The following NAV2 variants were observed in gnomAD, a reference collection of about 807,000 sequenced individuals.
The protein encoded by NAV2 is neuron navigator 2.
A neutral mutation model predicts 223.2 loss-of-function variants in NAV2; 54 were observed. That is an observed-to-expected ratio of 0.24 (90% CI 0.19 to 0.30). The LOEUF is 0.30. Ranked by LOEUF, NAV2 falls within the 10% of genes least tolerant of loss-of-function variation. The pLI, the probability that NAV2 is intolerant of heterozygous loss-of-function variation, is 1.00. For missense variants in NAV2, 2,806 were observed against 3,147.5 expected, an observed-to-expected ratio of 0.89 and a Z score of 2.60; for synonymous variants, 1,279 against 1,239.3, an observed-to-expected ratio of 1.03 and a Z score of -0.67.
At chr11:19,563,321 G>A (rs1005964917) in intron 1 of NAV2, among the ~76,000 whole-genome samples, 2 of 152,170 alleles carry the variant, frequency 1.3e-5, no homozygotes, top group Non-Finnish European at 2.9e-5. Flanking sequence ...CAGTAATACA[G>A]AGTTGGGTGC....
intron 1 of NAV2, among the ~76,000 whole-genome samples, chr11:19,698,192 G>A (rs1278269058): frequency 1.3e-5 from 2 of 152,104 alleles, no homozygotes; most frequent in African/African-American, 4.8e-5. Flanking sequence ...CATTTACCAC[G>A]TGACTCTGAG....
At chr11:19,903,379 C>CATG (rs1428491368) in intron 6 of NAV2, among the ~76,000 whole-genome samples, 4 of 152,152 alleles carry the variant, frequency 2.6e-5, no homozygotes, top group Non-Finnish European at 5.9e-5. Context: ...GAGCTCCTGC[C>CATG]ATGATTCCTT....
intron 6 of NAV2, among the ~76,000 whole-genome samples, chr11:19,915,847 C>T (rs756606928): frequency 1.3e-5 from 2 of 152,136 alleles, no homozygotes; most frequent in Non-Finnish European, 2.9e-5. Context: ...CATACAGAGA[C>T]GTTAAAGTAT....
At chr11:19,458,986 G>A (rs1400939387) in intron 1 of NAV2, among the ~76,000 whole-genome samples, 1 of 152,270 alleles carries the variant, frequency 6.6e-6, no homozygotes, top group Non-Finnish European at 1.5e-5. Context: ...AGCACAGGTG[G>A]TGATGTGGTG....
chr11:19,465,803 A>G (rs866876491), intron 1 of NAV2, among the ~76,000 whole-genome samples: 2 of 152,264 alleles, frequency 1.3e-5, no homozygotes, highest in African/African-American at 2.4e-5. Context: ...TTAGCTAACC[A>G]GTAGCGGAGG....
In NAV2 at chr11:20,044,989, T is replaced by C; in HGVS notation, c.3221T>C (p.Val1074Ala). 2 of 1,611,588 alleles carry C rather than the reference T, an allele frequency of 1.2e-6. No individual in the cohort carries two copies. The highest frequency in any genetic ancestry group is 1.7e-6 in the Non-Finnish European group (2 of 1,179,270). Residue 1074 changes from valine (V) to alanine (A), a missense_variant, in exon 14 of 38, where the codon GTG (valine) becomes GCG (alanine). Physicochemically the swap from Val to Ala is moderately conservative, Grantham distance 64 (BLOSUM62 0). Transcript: ENST00000349880. ...PGTGKTDDAK[V>A]SEKGRLSPKA... ...TTAGGAAAAACAGACGACGCAAAGG[T>C]GTCTGAGAAAGGAAGGCTTTCTCCT... is the stretch of plus-strand genomic sequence containing the variant.
intron 1 of NAV2, among the ~76,000 whole-genome samples, chr11:19,581,267 G>A (rs1284519102): frequency 1.3e-5 from 2 of 152,024 alleles, no homozygotes; most frequent in Admixed American, 6.6e-5. Context: ...GGTTTTAATG[G>A]CGTTGACTTA....
chr11:19,734,323 A>C (rs539821677), intron 1 of NAV2, among the ~76,000 whole-genome samples: 2 of 152,330 alleles, frequency 1.3e-5, no homozygotes, highest in South Asian at 2.1e-4. Context: ...ATGATGACCC[A>C]TTGCCAGACA....
intron 1 of NAV2, among the ~76,000 whole-genome samples, chr11:19,398,635 A>C (rs1230540737): frequency 6.6e-6 from 1 of 152,112 alleles, no homozygotes; most frequent in African/African-American, 2.4e-5. Flanking sequence ...CCCTGCCTTC[A>C]TTCTCCAACC....
intron 1 of NAV2, among the ~76,000 whole-genome samples, chr11:19,642,378 A>G (rs187895184): frequency 1.3e-5 from 2 of 152,326 alleles, no homozygotes; most frequent in Admixed American, 6.5e-5. Flanking sequence ...AGCTTTTTAA[A>G]TAGACTCTCA....
At chr11:19,635,515 G>T (rs1460749153) in intron 1 of NAV2, among the ~76,000 whole-genome samples, 1 of 152,186 alleles carries the variant, frequency 6.6e-6, no homozygotes, top group Non-Finnish European at 1.5e-5. Flanking sequence ...CTGATGGCTG[G>T]AAAGTCCAAG....
intron 1 of NAV2, among the ~76,000 whole-genome samples, chr11:19,393,108 G>A (rs1469089885): frequency 6.6e-6 from 1 of 152,174 alleles, no homozygotes; most frequent in Non-Finnish European, 1.5e-5. Context: ...TCTAACCCCT[G>A]CAGCCTAAAG....
chr11:19,838,082 G>T (rs1002397833), intron 2 of NAV2, among the ~76,000 whole-genome samples: 2 of 152,308 alleles, frequency 1.3e-5, no homozygotes, highest in Middle Eastern at 3.4e-3. Flanking sequence ...ATGATGTATG[G>T]GGGAATTCTC....
At chr11:19,408,127 G>T (rs1284170271) in intron 1 of NAV2, among the ~76,000 whole-genome samples, 2 of 151,854 alleles carry the variant, frequency 1.3e-5, no homozygotes, top group African/African-American at 4.8e-5. Context: ...CCCACTGAGC[G>T]GCCTCATCAC....
rs889645597 is a variant in NAV2 at position 19,873,463 on chromosome 11, TG to T, written c.511+4472del. Among the ~76,000 whole-genome samples the T allele has an allele frequency of 1.5e-4, 23 of 152,056 alleles. 1 individual carries two copies. Among genetic ancestry groups the T allele is most frequent in the African/African-American group, 5.6e-4 (23 of 41,378 alleles). On this transcript the variant is annotated intron_variant, in intron 4 of 37. Transcript: ENST00000349880. ...TCAGGCATAGGTAATATTAATATGA[TG>T]GGGGGAAACCTTGCAGACATTGGAT...
At position 20,048,864 on chromosome 11, in the gene NAV2, C is replaced by G. The variant is rs2153597668; in HGVS notation, c.4039C>G (p.Leu1347Val). The change falls in exon 15 of 38, where the codon CTG (leucine) becomes GTG (valine). Residue 1347 changes from leucine (L) to valine (V), a missense_variant. Physicochemically the swap from Leu to Val is conservative, Grantham distance 32. Around this residue, in one of 4 missense-constraint regions of NAV2, gnomAD observed 742 missense variants for 777.9 expected, o/e 0.95. Coordinates refer to ENST00000349880, the MANE Select transcript of NAV2 (RefSeq NM_145117.5). ...AGACTCCCCGTCAGGCAGTGGCGTC[C>G]TGAGCAGTGGGAGCAGCAGTCCTCT... ...NLDSPSGSGV[L>V]SSGSSSPLYS... is the part of the protein sequence containing the mutation. The G allele has an allele frequency of 6.2e-7, 1 of 1,614,208 alleles. No individual in the cohort carries two copies. Among genetic ancestry groups the G allele is most frequent in the Non-Finnish European group, 8.5e-7 (1 of 1,180,038 alleles).
chr11:19,424,113 A>C (rs1302040432), intron 1 of NAV2, among the ~76,000 whole-genome samples: 1 of 152,230 alleles, frequency 6.6e-6, no homozygotes, highest in African/African-American at 2.4e-5. Context: ...CTGCTTTGGC[A>C]GGGAAATTAG....
At chr11:20,055,107 T>C (rs987406461) in intron 18 of NAV2, among the ~76,000 whole-genome samples, 3 of 152,232 alleles carry the variant, frequency 2.0e-5, no homozygotes, top group Non-Finnish European at 4.4e-5. Flanking sequence ...TTTCTGAATA[T>C]AGTGAATAAC....
rs1162706472 is a variant in NAV2, at chr11:20,118,384, A to G, written c.*126A>G. 5 of 1,150,620 alleles carry G rather than the reference A, an allele frequency of 4.3e-6. No individual in the cohort carries two copies. The African/African-American group carries it at 6.2e-5, about 14-fold the overall frequency. The allele number at this position is 1,150,620 out of a possible 1,614,324, so 71.3% of individuals were successfully genotyped here. On this transcript the variant is annotated 3_prime_UTR_variant, in exon 38 of 38. Coordinates refer to ENST00000349880, the MANE Select transcript of NAV2 (RefSeq NM_145117.5). ...CAGCCTTAGAGCTGCGGGAACACCG[A>G]GACCCCCCGTCCTTCAGCCTCGACC...
Sources: gnomAD v4.1 joint callset for allele counts (sites outside exome capture counted in the v4.1 genomes callset) on GRCh38, gnomAD v4.1.1 for gene constraint, gnomAD v4.1.1 regional missense constraint, MANE v1.5 for transcripts, NCBI Gene and HGNC (gene_info 2026-07-23, HGNC 2026-07-21) for gene names.